PTPRD: variants seen among roughly 807,000 people sequenced by gnomAD.
The protein encoded by PTPRD is receptor-type tyrosine-protein phosphatase delta.
PTPRD carries 34 observed loss-of-function variants against 214.5 expected under a neutral mutation model. That is an observed-to-expected ratio of 0.16 (90% CI 0.12 to 0.21). The LOEUF (loss-of-function observed/expected upper bound fraction) is 0.21, where lower values mean the gene tolerates loss of function less well. Among genes scored for constraint, PTPRD ranks in the 10% least tolerant of loss-of-function variants. The probability of loss-of-function intolerance (pLI) is 1.00; values close to 1 mark genes in which losing one functional copy is unlikely to be tolerated. For synonymous variants in PTPRD, 1,128 were observed against 845.7 expected (o/e 1.33, Z -5.79); for missense variants, 2,545 against 2,398.7 (o/e 1.06, Z -1.27).
chr9:8,925,565 C>T (rs1433376123), intron 11 of PTPRD, among the ~76,000 whole-genome samples: 1 of 150,288 alleles, frequency 6.7e-6, no homozygotes, highest in African/African-American at 2.5e-5. Context: ...TGCCCACCCC[C>T]ACCACCCCCG....
chr9:9,592,911 G>T (rs2092885818), intron 7 of PTPRD, among the ~76,000 whole-genome samples: 1 of 151,926 alleles, frequency 6.6e-6, no homozygotes, highest in African/African-American at 2.4e-5. Context: ...CAGATGTGGT[G>T]GTACACACCT....
rs997244518 is a variant in PTPRD, at chr9:10,499,622, T to G, written c.-600+112776A>C. Among the ~76,000 whole-genome samples, 4 of 151,886 alleles carry G rather than the reference T, an allele frequency of 2.6e-5. No individual in the cohort carries two copies. In the South Asian group the frequency reaches 8.3e-4, roughly 31 times the overall value. ...CAATTTCTAAATAGATATGAACTTG[T>G]TTCTAAATTTATGCACAAGCCACCA... On this transcript the variant is annotated intron_variant, in intron 2 of 45. Coordinates refer to ENST00000381196, the MANE Select transcript of PTPRD (RefSeq NM_002839.4).
chr9:10,509,455 C>T (rs1036235028), intron 2 of PTPRD, among the ~76,000 whole-genome samples: 3 of 117,054 alleles, frequency 2.6e-5, no homozygotes, highest in East Asian at 4.8e-4. Flanking sequence ...GGCTCCTGTG[C>T]CCTTTTGATT....
At chr9:8,849,670 A>C (rs565950809) in intron 11 of PTPRD, among the ~76,000 whole-genome samples, 1 of 152,318 alleles carries the variant, frequency 6.6e-6, no homozygotes, top group East Asian at 1.9e-4. Context: ...GTATTGGTAG[A>C]ACTAAAGAGG....
intron 10 of PTPRD, among the ~76,000 whole-genome samples, chr9:9,025,478 A>C (rs1208746032): frequency 6.6e-6 from 1 of 152,046 alleles, no homozygotes; most frequent in Non-Finnish European, 1.5e-5. Context: ...TGACTTAGAC[A>C]TTCTTATTCC....
intron 2 of PTPRD, among the ~76,000 whole-genome samples, chr9:10,578,040 T>C (rs764033218): frequency 6.6e-6 from 1 of 151,898 alleles, no homozygotes; most frequent in Non-Finnish European, 1.5e-5. Context: ...GCTTCCTAAG[T>C]AGCTGGGATT....
chr9:8,352,272 T>C (rs2075723900), intron 39 of PTPRD, among the ~76,000 whole-genome samples: 1 of 152,190 alleles, frequency 6.6e-6, no homozygotes, highest in African/African-American at 2.4e-5. Context: ...AGGTCTCATT[T>C]TACAGATGGA....
chr9:9,627,900 T>C (rs933470065), intron 7 of PTPRD, among the ~76,000 whole-genome samples: 7 of 152,156 alleles, frequency 4.6e-5, no homozygotes, highest in Admixed American at 1.3e-4. Context: ...AGAGAAAAAG[T>C]GTATGTTAGA....
intron 4 of PTPRD, among the ~76,000 whole-genome samples, chr9:9,953,380 G>A (rs2093625704): frequency 6.6e-6 from 1 of 151,948 alleles, no homozygotes; most frequent in South Asian, 2.1e-4. Context: ...AGTAACAGGT[G>A]TACTAAAATC....
At chr9:10,174,881 T>G (rs780030622) in intron 3 of PTPRD, among the ~76,000 whole-genome samples, 1 of 152,138 alleles carries the variant, frequency 6.6e-6, no homozygotes, top group African/African-American at 2.4e-5. Flanking sequence ...TGGACATTGT[T>G]ACAGCTTTTC....
chr9:10,061,872 T>C (rs446874), intron 3 of PTPRD, among the ~76,000 whole-genome samples: 31,799 of 151,926 alleles, frequency 0.21, 8,128 homozygotes, highest in African/African-American at 0.61. Flanking sequence ...TCTCTGGACC[T>C]GCAGCTTTAT....
chr9:9,126,044 G>C (rs1032019214), intron 10 of PTPRD, among the ~76,000 whole-genome samples: 1 of 152,150 alleles, frequency 6.6e-6, no homozygotes, highest in Non-Finnish European at 1.5e-5. Context: ...TGCCAACCAG[G>C]GAAGAATAGT....
At chr9:10,552,339 T>G (rs75534774) in intron 2 of PTPRD, among the ~76,000 whole-genome samples, 1 of 152,166 alleles carries the variant, frequency 6.6e-6, no homozygotes, top group Non-Finnish European at 1.5e-5. Context: ...TATCACACCA[T>G]GCTTTTGGAT....
intron 2 of PTPRD, among the ~76,000 whole-genome samples, chr9:10,605,011 C>T (rs1052909134): frequency 6.6e-6 from 1 of 151,694 alleles, no homozygotes; most frequent in Admixed American, 6.6e-5. Context: ...ATAGATGTTT[C>T]CATGATTTTT....
chr9:8,658,672 A>G (rs1437249938), intron 12 of PTPRD, among the ~76,000 whole-genome samples: 18 of 64,116 alleles, frequency 2.8e-4, no homozygotes, highest in East Asian at 1.7e-3. Context: ...GCACATTTGG[A>G]AAAAAAAAAA....
At chr9:10,133,064 T>G (rs2098912075) in intron 3 of PTPRD, among the ~76,000 whole-genome samples, 1 of 152,174 alleles carries the variant, frequency 6.6e-6, no homozygotes, top group African/African-American at 2.4e-5. Context: ...GCAGTCCATG[T>G]AGATATAGAG....
intron 5 of PTPRD, among the ~76,000 whole-genome samples, chr9:9,820,010 A>G (rs1292427581): frequency 6.6e-6 from 1 of 152,152 alleles, no homozygotes; most frequent in African/African-American, 2.4e-5. Context: ...ACCAAGTAAC[A>G]GGATTGCTGG....
At chr9:9,759,616 G>A (rs893313705) in intron 6 of PTPRD, among the ~76,000 whole-genome samples, 3 of 136,668 alleles carry the variant, frequency 2.2e-5, no homozygotes. Context: ...GAAGTGTAGT[G>A]ACGCGATCTC....
At chr9:9,935,623 A>G (rs1324750888) in intron 5 of PTPRD, among the ~76,000 whole-genome samples, 3 of 149,644 alleles carry the variant, frequency 2.0e-5, no homozygotes, top group Non-Finnish European at 2.9e-5. Flanking sequence ...GGTAGGAACA[A>G]TCAATATCGT....
Sources: gnomAD v4.1 joint callset for allele counts (sites outside exome capture counted in the v4.1 genomes callset) on GRCh38, gnomAD v4.1.1 for gene constraint, MANE v1.5 for transcripts, NCBI Gene and HGNC (gene_info 2026-07-23, HGNC 2026-07-21) for gene names.